Variants in KIDINS220 observed in about 807,000 individuals in gnomAD.
The protein encoded by KIDINS220 is kinase D interacting substrate 220, also known as kinase D-interacting substrate of 220 kDa.
Under a neutral mutation model 157.6 loss-of-function variants are expected in KIDINS220, and 63 were observed. The ratio of observed to expected loss-of-function variants is 0.40; its 90% confidence interval spans 0.33 to 0.49. KIDINS220 has a LOEUF of 0.49. KIDINS220 is among the 20% of genes least tolerant of loss of function. The probability of loss-of-function intolerance (pLI) is 0.66; values close to 1 mark genes in which losing one functional copy is unlikely to be tolerated. For synonymous variants in KIDINS220, 732 were observed against 783.6 expected (o/e 0.93, Z 1.10); for missense variants, 1,772 against 2,171.2 (o/e 0.82, Z 3.65).
At chr2:8,826,322 T>C (rs192917639) in intron 2 of KIDINS220, among the ~76,000 whole-genome samples, 372 of 152,204 alleles carry the variant, frequency 2.4e-3, no homozygotes, top group African/African-American at 8.7e-3. Flanking sequence ...AAAGAAAGTA[T>C]TTCAGGCAGG....
chr2:8,757,536 C>G, intron 22 of KIDINS220: 2 of 1,453,736 alleles, frequency 1.4e-6, no homozygotes, highest in Non-Finnish European at 1.8e-6. Context: ...AATGTTTCAA[C>G]TACCCATTCC....
intron 21 of KIDINS220, among the ~76,000 whole-genome samples, chr2:8,776,532 T>C (rs540491953): frequency 6.6e-6 from 1 of 152,302 alleles, no homozygotes; most frequent in Non-Finnish European, 1.5e-5. Context: ...TAATAAAGTT[T>C]TAAAATAATG....
chr2:8,731,923 T>G lies in KIDINS220; in HGVS notation c.4113A>C (p.Glu1371Asp). Residue 1371 changes from glutamate to aspartate, a missense_variant, in exon 30 of 30, where the codon GAA becomes GAC. Transcript: ENST00000256707. The surrounding 1 kb of genome is among the most constrained non-coding windows in gnomAD (Gnocchi z 5.2). ...SSLNSQDSSI[E>D]ISKLTDKVQA... ...GCACCTTATCAGTAAGCTTTGAAAT[T>G]TCAATACTGGAATCCTGGGAATTGA... 4.3e-6 allele frequency: 7 copies of G among 1,611,884 alleles called. No homozygotes were observed. Among genetic ancestry groups the G allele is most frequent in the Non-Finnish European group, 5.9e-6 (7 of 1,179,032 alleles).
chr2:8,747,806 T>C, intron 25 of KIDINS220, 81 bp downstream of exon 25: 1 of 766,538 alleles, frequency 1.3e-6, no homozygotes, highest in East Asian at 3.0e-5. Flanking sequence ...TCTTTTACTA[T>C]GTAAAGGAAA....
At position 8,733,445 on chromosome 2, in the gene KIDINS220, T is replaced by C; in HGVS notation, c.4052A>G (p.Gln1351Arg). The C allele has an allele frequency of 6.2e-7, 1 of 1,611,164 alleles. No homozygotes were observed. Among genetic ancestry groups the C allele is most frequent in the Non-Finnish European group, 8.5e-7 (1 of 1,177,726 alleles). The stretch of plus-strand genomic sequence containing the variant: ...TGAAAAATGCCATTCAATAAATACC[T>C]GCCAACTTAGATTACTGTGACGAGG... ...GAPRHSNLSW[Q>R]SQTRRTPSLS... Residue 1351 changes from glutamine (Q) to arginine (R), a missense_variant and splice_region_variant, in exon 29 of 30, where the codon CAG (glutamine) becomes CGG (arginine). Around this residue, in one of 3 missense-constraint regions of KIDINS220, gnomAD observed 793 missense variants for 885.5 expected, o/e 0.90. Coordinates refer to ENST00000256707, the MANE Select transcript of KIDINS220 (RefSeq NM_020738.4).
At chr2:8,794,752 C>T (rs1673674306) in intron 11 of KIDINS220, among the ~76,000 whole-genome samples, 1 of 152,244 alleles carries the variant, frequency 6.6e-6, no homozygotes, top group African/African-American at 2.4e-5. Context: ...GATTACTTCA[C>T]AAACACCTTG....
At chr2:8,775,019 T>C (rs1430421047) in intron 21 of KIDINS220, among the ~76,000 whole-genome samples, 1 of 152,188 alleles carries the variant, frequency 6.6e-6, no homozygotes, top group Non-Finnish European at 1.5e-5. Context: ...CGAACAGTGC[T>C]CATCTTCTGG....
intron 22 of KIDINS220, among the ~76,000 whole-genome samples, chr2:8,754,204 C>T (rs936078728): frequency 6.6e-6 from 1 of 152,182 alleles, no homozygotes; most frequent in African/African-American, 2.4e-5. Flanking sequence ...CTGCTTCTGC[C>T]TGAATGCAAC....
At chr2:8,754,099 C>T (rs961906369) in intron 22 of KIDINS220, among the ~76,000 whole-genome samples, 1 of 152,170 alleles carries the variant, frequency 6.6e-6, no homozygotes, top group Admixed American at 6.5e-5. Context: ...AGGAGTTGAA[C>T]ACAAAATACT....
intron 11 of KIDINS220, among the ~76,000 whole-genome samples, chr2:8,794,764 C>T (rs1390959105): frequency 6.6e-6 from 1 of 152,210 alleles, no homozygotes; most frequent in Non-Finnish European, 1.5e-5. Context: ...AACACCTTGA[C>T]AAATTAAATT....
At chr2:8,819,617 A>C (rs1305551642) in intron 2 of KIDINS220, among the ~76,000 whole-genome samples, 1 of 152,198 alleles carries the variant, frequency 6.6e-6, no homozygotes, top group Non-Finnish European at 1.5e-5. Context: ...TGAGGCCAGG[A>C]GTTCAAGACA....
At chr2:8,754,651 A>C (rs1667768750) in intron 22 of KIDINS220, among the ~76,000 whole-genome samples, 1 of 152,256 alleles carries the variant, frequency 6.6e-6, no homozygotes, top group Non-Finnish European at 1.5e-5. Context: ...AAGCATTTTG[A>C]TTATAAATGA....
rs531675276 is a variant in KIDINS220 at position 8,796,935 on chromosome 2, T to G, written c.1000-66A>C. 5.3e-5 allele frequency: 60 copies of G among 1,126,274 alleles called. No homozygotes were observed. In the East Asian group the frequency reaches 1.3e-3, roughly 25 times the overall value. 69.8% of individuals were successfully genotyped at this position (1,126,274 alleles called of 1,614,324 possible). A position where few individuals can be genotyped will look rare whatever the true frequency, so the allele number is the denominator to read the frequency against. Reference sequence around the variant, plus strand: ...GACTCCTGTGTTTATGTCATACAAATGCACATGTCAAGAAATATCTGACTC... The same window carrying G: ...GACTCCTGTGTTTATGTCATACAAAGGCACATGTCAAGAAATATCTGACTC... On this transcript the variant is annotated intron_variant, in intron 10 of 29. Coordinates refer to ENST00000256707, the MANE Select transcript of KIDINS220 (RefSeq NM_020738.4).
intron 2 of KIDINS220, among the ~76,000 whole-genome samples, chr2:8,824,234 T>C (rs1475770544): frequency 2.0e-5 from 3 of 152,182 alleles, no homozygotes; most frequent in Non-Finnish European, 4.4e-5. Flanking sequence ...CAATAGCTAA[T>C]GAAAATGAAC....
intron 9 of KIDINS220, chr2:8,800,085 G>T: frequency 4.1e-6 from 1 of 245,128 alleles, no homozygotes; most frequent in Non-Finnish European, 7.7e-6. Context: ...GATATTCAAA[G>T]TGTCACCGAC....
intron 1 of KIDINS220, among the ~76,000 whole-genome samples, chr2:8,829,326 T>C (rs1284078890): frequency 6.6e-6 from 1 of 152,190 alleles, no homozygotes; most frequent in African/African-American, 2.4e-5. Context: ...TATAAATCAG[T>C]ATACCTTACT....
chr2:8,750,675 A>G (rs1298443268), intron 23 of KIDINS220, among the ~76,000 whole-genome samples: 1 of 152,238 alleles, frequency 6.6e-6, no homozygotes, highest in Admixed American at 6.5e-5. Flanking sequence ...TCAAGTATTA[A>G]TAACTCATAT....
At chr2:8,737,714 C>T (rs1017783469) in intron 26 of KIDINS220, among the ~76,000 whole-genome samples, 1 of 152,184 alleles carries the variant, frequency 6.6e-6, no homozygotes, top group East Asian at 1.9e-4. Flanking sequence ...TGGATACTAA[C>T]AAACCAGTTG....
At position 8,736,542 on chromosome 2, in the gene KIDINS220, A is replaced by G. The variant is rs149892686; in HGVS notation, c.3717+326T>C. 1.9e-3 allele frequency among the ~76,000 whole-genome samples: 284 copies of G among 152,362 alleles called. 1 individual carries two copies. Among genetic ancestry groups the G allele is most frequent in the African/African-American group, 4.4e-3 (182 of 41,596 alleles). On this transcript the variant is annotated intron_variant, in intron 27 of 29. Transcript: ENST00000256707. ...GTAACACAAAGGTTTTCGGTTCCAC[A>G]CTGGAAAGATGAGTTCTGTTTATCC...
Sources: allele counts gnomAD v4.1 joint callset (sites outside exome capture counted in the v4.1 genomes callset), GRCh38; gene constraint gnomAD v4.1.1; regional missense constraint gnomAD v4.1.1; non-coding constraint Gnocchi (gnomAD v3.1); transcripts MANE v1.5; gene names NCBI Gene and HGNC (gene_info 2026-07-23, HGNC 2026-07-21).